Variants in GEN1 observed in about 807,000 individuals in gnomAD.
GEN1 encodes the protein flap endonuclease GEN homolog 1.
Under a neutral mutation model 67.6 loss-of-function variants are expected in GEN1, and 64 were observed. The ratio of observed to expected loss-of-function variants is 0.95; its 90% confidence interval spans 0.77 to 1.17. The LOEUF (loss-of-function observed/expected upper bound fraction) is 1.17, where lower values mean the gene tolerates loss of function less well. Among genes scored for constraint, GEN1 ranks in the 50% most tolerant of loss-of-function variants. The pLI, the probability that GEN1 is intolerant of heterozygous loss-of-function variation, is 0.00. For synonymous variants in GEN1, 371 were observed against 359.4 expected (o/e 1.03, Z -0.37); for missense variants, 1,058 against 1,048.3 (o/e 1.01, Z -0.13).
chr2:17,777,446 C>T (rs1193193870), intron 11 of GEN1, among the ~76,000 whole-genome samples: 2 of 151,954 alleles, frequency 1.3e-5, no homozygotes, highest in African/African-American at 2.4e-5. Flanking sequence ...GTAAAACTAT[C>T]AAACCAAAAT....
At chr2:17,760,450 T>A (rs561982182) in intron 2 of GEN1, among the ~76,000 whole-genome samples, 75 of 152,280 alleles carry the variant, frequency 4.9e-4, no homozygotes, top group Middle Eastern at 3.4e-3. Flanking sequence ...AAAATATACT[T>A]TGTGTTCACA....
chr2:17,759,859 A>G (rs1671592243), intron 1 of GEN1, 70 bp from the exon 2 acceptor site: 1 of 1,309,702 alleles, frequency 7.6e-7, no homozygotes, highest in Non-Finnish European at 1.1e-6. Context: ...CTTATAATAT[A>G]TTGTTTGAAT....
At chr2:17,779,944 T>A in intron 12 of GEN1, 34 bp from the exon 13 acceptor site, 1 of 1,561,926 alleles carries the variant, frequency 6.4e-7, no homozygotes, top group Non-Finnish European at 8.8e-7. Flanking sequence ...AAATGCCTAA[T>A]TAAGGACACT....
chr2:17,762,736 G>A (rs1671746791), intron 3 of GEN1, among the ~76,000 whole-genome samples: 1 of 152,108 alleles, frequency 6.6e-6, no homozygotes, highest in African/African-American at 2.4e-5. Flanking sequence ...ACATGGAAGT[G>A]TGATTAACAT....
chr2:17,784,283 C>T lies in GEN1; in HGVS notation c.*2344C>T, dbSNP rs1572431472. ...AAATGCAAATCAAAACCACAAGACA[C>T]CCAATGTCTACAATCAAAAAGATAA... On this transcript the variant is annotated 3_prime_UTR_variant, in exon 14 of 14. Coordinates refer to ENST00000381254, the MANE Select transcript of GEN1 (RefSeq NM_001130009.3). 1 of 152,050 alleles carries T rather than the reference C, an allele frequency of 6.6e-6. No individual in the cohort carries two copies. The highest frequency in any genetic ancestry group is 2.4e-5 in the African/African-American group (1 of 41,400). 9.4% of individuals were successfully genotyped at this position (152,050 alleles called of 1,614,324 possible).
chr2:17,761,320 T>C (rs1671664941), intron 2 of GEN1, 76 bp from the exon 3 acceptor site: 12 of 751,450 alleles, frequency 1.6e-5, no homozygotes, highest in Admixed American at 8.3e-5. Context: ...CTAATGTTCT[T>C]GCCTTTGTGT....
At chr2:17,768,951 A>C (rs1252103628) in intron 6 of GEN1, 140 bp downstream of exon 6, 4 of 488,712 alleles carry the variant, frequency 8.2e-6, no homozygotes, top group Non-Finnish European at 7.3e-6. Flanking sequence ...GATTTAAGAT[A>C]ATTTATTTTT....
chr2:17,778,199 T>C lies in GEN1; in HGVS notation c.1264+136T>C, dbSNP rs201314104. On this transcript the variant is annotated intron_variant, in intron 12 of 13. Coordinates refer to ENST00000381254, the MANE Select transcript of GEN1 (RefSeq NM_001130009.3). ...GTATATATATATATACACACACACA[T>C]ATATGTGTATATATATGTATACACA... The C allele has an allele frequency of 0.029, 3,467 of 120,770 alleles. 122 individuals are homozygous for C. The highest frequency in any genetic ancestry group is 0.12 in the African/African-American group (2,921 of 24,826). The allele number at this position is 120,770 out of a possible 1,614,324, so 7.5% of individuals were successfully genotyped here.
chr2:17,772,234 AAACT>A (rs1445482750), intron 7 of GEN1, among the ~76,000 whole-genome samples: 21 of 152,086 alleles, frequency 1.4e-4, no homozygotes, highest in Admixed American at 1.3e-3. Context: ...CTCGTTAAAG[AAACT>A]ATTCTATTAG....
At chr2:17,766,978 A>G (rs923696208) in intron 5 of GEN1, among the ~76,000 whole-genome samples, 8 of 152,202 alleles carry the variant, frequency 5.3e-5, no homozygotes, top group African/African-American at 1.7e-4. Context: ...ATGTTTGACT[A>G]TCTTTTTAAA....
At chr2:17,772,524 G>A (rs767213865) in intron 7 of GEN1, 110 bp from the exon 8 acceptor site, 64 of 792,678 alleles carry the variant, frequency 8.1e-5, no homozygotes, top group Non-Finnish European at 1.2e-4. Flanking sequence ...GCTAGGTAGT[G>A]TGCTAGGCAA....
chr2:17,782,442 A>AT lies in GEN1; in HGVS notation c.*505dup, dbSNP rs1417859501. The AT allele has an allele frequency of 3.3e-5, 5 of 152,208 alleles. No individual in the cohort carries two copies. Among genetic ancestry groups the AT allele is most frequent in the Non-Finnish European group, 5.9e-5 (4 of 68,078 alleles). 9.4% of individuals were successfully genotyped at this position (152,208 alleles called of 1,614,324 possible). The stretch of plus-strand genomic sequence containing the variant: ...TTTGGAAGGCCATGCAAGGTGTTCC[A>AT]TTATAACTCTTTTTCCTAAGAGTTA... On this transcript the variant is annotated 3_prime_UTR_variant, in exon 14 of 14. Coordinates refer to ENST00000381254, the MANE Select transcript of GEN1 (RefSeq NM_001130009.3).
At position 17,782,073 on chromosome 2, in the gene GEN1, C is replaced by A; in HGVS notation, c.*134C>A. ...GTCATGAAACACTTGCCATTTTAAT[C>A]AAAGTTGTAATTTTTAAAAAGTCAC... On this transcript the variant is annotated 3_prime_UTR_variant, in exon 14 of 14. Coordinates refer to ENST00000381254, the MANE Select transcript of GEN1 (RefSeq NM_001130009.3). The A allele has an allele frequency of 1.8e-6, 1 of 546,044 alleles. No individual in the cohort carries two copies. Among genetic ancestry groups the A allele is most frequent in the African/African-American group, 1.9e-5 (1 of 51,494 alleles). 33.8% of individuals were successfully genotyped at this position (546,044 alleles called of 1,614,324 possible). A position where few individuals can be genotyped will look rare whatever the true frequency, so the allele number is the denominator to read the frequency against.
rs192256789 is a variant in GEN1 at position 17,763,376 on chromosome 2, A to C, written c.349-1521A>C. On this transcript the variant is annotated intron_variant, in intron 3 of 13. Coordinates refer to ENST00000381254, the MANE Select transcript of GEN1 (RefSeq NM_001130009.3). ...TAAAGAACCAGCATAAAACAAAAAAAGAGATGTCCATCTCTTCTTAAGAAA... is the reference window on the plus strand; with the variant it reads ...TAAAGAACCAGCATAAAACAAAAAACGAGATGTCCATCTCTTCTTAAGAAA... 5.1e-3 allele frequency among the ~76,000 whole-genome samples: 783 copies of C among 152,330 alleles called. 5 individuals carry two copies. Among genetic ancestry groups the C allele is most frequent in the Non-Finnish European group, 9.1e-3 (619 of 68,024 alleles).
chr2:17,776,474 A>C (rs1018797941), intron 11 of GEN1, among the ~76,000 whole-genome samples: 1 of 152,230 alleles, frequency 6.6e-6, no homozygotes, highest in Non-Finnish European at 1.5e-5. Flanking sequence ...GTGATGTGCC[A>C]TGAGACATGT....
chr2:17,766,730 C>T, intron 5 of GEN1, 41 bp downstream of exon 5: 1 of 1,042,830 alleles, frequency 9.6e-7, no homozygotes, highest in East Asian at 2.4e-5. Flanking sequence ...TTCATAAAGT[C>T]TTTTTCGTAC....
At chr2:17,779,054 C>G (rs1672695099) in intron 12 of GEN1, among the ~76,000 whole-genome samples, 2 of 152,174 alleles carry the variant, frequency 1.3e-5, no homozygotes, top group Non-Finnish European at 2.9e-5. Flanking sequence ...TCCCAAGTAG[C>G]TGGGGTTACA....
At chr2:17,761,885 A>C (rs1325637443) in intron 3 of GEN1, among the ~76,000 whole-genome samples, 1 of 152,164 alleles carries the variant, frequency 6.6e-6, no homozygotes, top group African/African-American at 2.4e-5. Context: ...TATCTAAAGC[A>C]ACTAGTACAT....
chr2:17,755,243 A>G (rs767857756), intron 1 of GEN1: 2 of 152,206 alleles, frequency 1.3e-5, no homozygotes, highest in South Asian at 2.1e-4. Context: ...CCCTACTTAC[A>G]TGTCACTTGC....
Sources: gnomAD v4.1 joint callset for allele counts (sites outside exome capture counted in the v4.1 genomes callset) on GRCh38, gnomAD v4.1.1 for gene constraint, MANE v1.5 for transcripts, NCBI Gene and HGNC (gene_info 2026-07-23, HGNC 2026-07-21) for gene names.